RFX3: variants seen among roughly 807,000 people sequenced by gnomAD.
RFX3 encodes regulatory factor X3.
RFX3 carries 14 observed loss-of-function variants against 98.6 expected under a neutral mutation model. That is an observed-to-expected ratio of 0.14 (90% confidence interval 0.09 to 0.22). The LOEUF (loss-of-function observed/expected upper bound fraction) is 0.22. Among genes scored for constraint, RFX3 ranks in the 10% least tolerant of loss-of-function variants. The pLI is 1.00. For synonymous variants in RFX3, 383 were observed against 328.4 expected, an observed-to-expected ratio of 1.17 and a Z score of -1.80; for missense variants, 639 against 926.9, an observed-to-expected ratio of 0.69 and a Z score of 4.03.
chr9:3,478,691 G>C (rs920853924), intron 1 of RFX3, among the ~76,000 whole-genome samples: 2 of 152,036 alleles, frequency 1.3e-5, no homozygotes, highest in East Asian at 3.9e-4. Context: ...GGTCATTTCC[G>C]GGCATGTGTA....
At chr9:3,255,925 T>C (rs1822076317) in intron 14 of RFX3, among the ~76,000 whole-genome samples, 1 of 152,188 alleles carries the variant, frequency 6.6e-6, no homozygotes, top group Non-Finnish European at 1.5e-5. Context: ...AGGAGAGCTT[T>C]GTGAAAAAAA....
At chr9:3,524,716 G>C (rs908179017) in intron 1 of RFX3, 1 of 688,222 alleles carries the variant, frequency 1.5e-6, no homozygotes, top group African/African-American at 1.9e-5. Context: ...GATCATCAAA[G>C]TGAAACGGAA....
intron 15 of RFX3, among the ~76,000 whole-genome samples, chr9:3,243,076 A>G (rs1287275932): frequency 6.6e-6 from 1 of 151,998 alleles, no homozygotes; most frequent in Non-Finnish European, 1.5e-5. Context: ...CTAAACAGCC[A>G]TAACATTTGA....
chr9:3,453,198 ACT>A (rs1846828977), intron 1 of RFX3, among the ~76,000 whole-genome samples: 1 of 151,770 alleles, frequency 6.6e-6, no homozygotes, highest in African/African-American at 2.4e-5. Flanking sequence ...CTGATTAATC[ACT>A]CTGTCATGTC....
intron 2 of RFX3, among the ~76,000 whole-genome samples, chr9:3,357,765 A>C (rs947384860): frequency 1.3e-5 from 2 of 152,080 alleles, no homozygotes; most frequent in African/African-American, 4.8e-5. Context: ...TACCAAGAAA[A>C]GATACATGTT....
chr9:3,352,767 C>T (rs567783073), intron 2 of RFX3, among the ~76,000 whole-genome samples: 75 of 152,134 alleles, frequency 4.9e-4, no homozygotes, highest in African/African-American at 1.7e-3. Flanking sequence ...AAGGTGAATC[C>T]TGCCATGATC....
chr9:3,456,708 G>C (rs1379507781), intron 1 of RFX3, among the ~76,000 whole-genome samples: 2 of 152,082 alleles, frequency 1.3e-5, no homozygotes, highest in African/African-American at 4.8e-5. Flanking sequence ...ATGAGACACT[G>C]TCTGAAACCG....
At chr9:3,427,718 A>C (rs1844251610) in intron 1 of RFX3, among the ~76,000 whole-genome samples, 1 of 152,002 alleles carries the variant, frequency 6.6e-6, no homozygotes, top group Non-Finnish European at 1.5e-5. Context: ...TCCAACATCT[A>C]CCAGAAACCT....
chr9:3,275,672 A>G, intron 8 of RFX3, 60 bp from the exon 9 acceptor site: 1 of 983,862 alleles, frequency 1.0e-6, no homozygotes, highest in Non-Finnish European at 1.5e-6. Context: ...TTACAGATTA[A>G]TGAGGGAAAA....
At chr9:3,368,115 T>G (rs1366491736) in intron 2 of RFX3, among the ~76,000 whole-genome samples, 1 of 152,214 alleles carries the variant, frequency 6.6e-6, no homozygotes, top group Non-Finnish European at 1.5e-5. Flanking sequence ...ATCTTCTGCC[T>G]CTAAGTGAAA....
chr9:3,507,201 G>T (rs887336645), intron 1 of RFX3, among the ~76,000 whole-genome samples: 2 of 151,802 alleles, frequency 1.3e-5, no homozygotes, highest in Non-Finnish European at 2.9e-5. Context: ...GAGATAATAA[G>T]AAATTACTAG....
Position 3,421,454 on chromosome 9 carries a change from G to T in RFX3, c.-8-25858C>A, listed in dbSNP as rs765964094. 2.0e-5 allele frequency among the ~76,000 whole-genome samples: 3 copies of T among 152,302 alleles called. No homozygotes were observed. The East Asian group carries it at 5.8e-4, about 29-fold the overall frequency. On this transcript the variant is annotated intron_variant, in intron 1 of 16. Transcript: ENST00000617270. The stretch of plus-strand genomic sequence containing the variant: ...AAATTACCAAACATCCAACTCCATA[G>T]AAATAACCCTGGTTAACATCTTCTA...
intron 15 of RFX3, among the ~76,000 whole-genome samples, chr9:3,239,238 G>GTTT (rs1819592531): frequency 2.0e-5 from 3 of 152,186 alleles, no homozygotes; most frequent in Admixed American, 6.5e-5. Flanking sequence ...TTAATTTCTA[G>GTTT]TTTTATAATA....
At chr9:3,448,267 G>C (rs1407654247) in intron 1 of RFX3, among the ~76,000 whole-genome samples, 1 of 152,052 alleles carries the variant, frequency 6.6e-6, no homozygotes, top group Non-Finnish European at 1.5e-5. Flanking sequence ...GAGTCTAAGA[G>C]TAATCTCTTA....
Position 3,505,318 on chromosome 9 carries a change from ATGT to A in RFX3, c.-9+20426_-9+20428del, listed in dbSNP as rs1564187204. 5.5e-4 allele frequency among the ~76,000 whole-genome samples: 47 copies of A among 85,160 alleles called. 7 individuals carry two copies. The highest frequency in any genetic ancestry group is 1.7e-3 in the African/African-American group (29 of 17,534). The allele number at this position is 85,160 out of a possible 152,430, so 55.9% of individuals were successfully genotyped here. A position where few individuals can be genotyped will look rare whatever the true frequency, so the allele number is the denominator to read the frequency against. On this transcript the variant is annotated intron_variant, in intron 1 of 16. Transcript: ENST00000617270. ...TTTATATATATATAAATATATATTAATGTATATTTATATTTTATATAAATAAAA... is the reference window on the plus strand; with the variant it reads ...TTTATATATATATAAATATATATTAAATATTTATATTTTATATAAATAAAA...
intron 9 of RFX3, among the ~76,000 whole-genome samples, chr9:3,274,005 T>C (rs940211840): frequency 1.3e-5 from 2 of 152,208 alleles, no homozygotes; most frequent in Non-Finnish European, 1.5e-5. Context: ...GAAATAATTT[T>C]CTCTATATAC....
intron 1 of RFX3, among the ~76,000 whole-genome samples, chr9:3,447,649 A>G (rs1370132410): frequency 6.6e-6 from 1 of 152,178 alleles, no homozygotes; most frequent in Non-Finnish European, 1.5e-5. Flanking sequence ...CAAGGAAAAC[A>G]TTTCAGTTCA....
At chr9:3,488,794 A>C in intron 1 of RFX3, 3 of 985,306 alleles carry the variant, frequency 3.0e-6, no homozygotes, top group Non-Finnish European at 3.6e-6. Flanking sequence ...ACAAGTTTGA[A>C]ATGGAGGTTA....
intron 1 of RFX3, among the ~76,000 whole-genome samples, chr9:3,441,308 TGAGAGAGAGAGAGA>T (rs562907863): frequency 1.4e-5 from 2 of 147,102 alleles, no homozygotes; most frequent in African/African-American, 5.0e-5. Flanking sequence ...GCTACAGAAT[TGAGAGAGAGAGAGA>T]GAGAGAGAGA....
Sources: allele counts gnomAD v4.1 joint callset (sites outside exome capture counted in the v4.1 genomes callset), GRCh38; gene constraint gnomAD v4.1.1; transcripts MANE v1.5; gene names NCBI Gene and HGNC (gene_info 2026-07-23, HGNC 2026-07-21).